The following ABHD2 variants were observed in gnomAD, a reference collection of about 807,000 sequenced individuals.
ABHD2 encodes abhydrolase domain containing 2, acylglycerol lipase.
Under a neutral mutation model 48.1 loss-of-function variants are expected in ABHD2, and 20 were observed. The observed-to-expected ratio is 0.42, with a 90% CI of 0.29 to 0.60. The LOEUF is 0.60. Ranked by LOEUF, ABHD2 falls within the 20% of genes least tolerant of loss-of-function variation. The pLI is 0.24. For synonymous variants in ABHD2, 209 were observed against 214.2 expected (o/e 0.98, Z 0.21); for missense variants, 405 against 550.9 (o/e 0.74, Z 2.65).
the ABHD2 span, among the ~76,000 whole-genome samples, chr15:89,044,095 T>G: frequency 1.2e-4 from 18 of 152,236 alleles, no homozygotes; most frequent in South Asian, 2.9e-3. Context: ...GATGTTCCCC[T>G]TCCTGTGTCC....
the ABHD2 span, among the ~76,000 whole-genome samples, chr15:89,067,777 C>T: frequency 6.6e-5 from 10 of 152,192 alleles, no homozygotes; most frequent in African/African-American, 2.4e-4. Flanking sequence ...GTGGAGCAAA[C>T]TCTATTCACT....
chr15:89,155,464 G>A lies in ABHD2; in HGVS notation c.468G>A (p.Arg156=), dbSNP rs1206387172. ...ACTACGCCCAGAAAAATGGCTATCG[G>A]TGCGCCGTGCTGAACCACCTGGGTG... ...FVDYAQKNGY[R]CAVLNHLGAL... Residue 156 remains arginine, a synonymous_variant, in exon 5 of 11, where the codon CGG becomes CGA. Transcript: ENST00000352732. This position sits in a 1 kb window ranked among gnomAD's most constrained non-coding sequence, Gnocchi z 4.9. 5.6e-6 allele frequency: 9 copies of A among 1,614,034 alleles called. No homozygotes were observed. The highest frequency in any genetic ancestry group is 6.8e-6 in the Non-Finnish European group (8 of 1,180,036).
chr15:89,173,397 AC>A lies in ABHD2; in HGVS notation c.539-2412del, dbSNP rs1233027999. 1.3e-5 allele frequency among the ~76,000 whole-genome samples: 2 copies of A among 152,058 alleles called. No individual in the cohort carries two copies. The highest frequency in any genetic ancestry group is 4.8e-5 in the African/African-American group (2 of 41,476). On this transcript the variant is annotated intron_variant, in intron 5 of 10. Coordinates refer to ENST00000352732, the MANE Select transcript of ABHD2 (RefSeq NM_152924.5). The surrounding 1 kb of genome is among the most constrained non-coding windows in gnomAD (Gnocchi z 6.5). ...AGACCAGACTGGCCAACAAGACAAAACCCTGTCTCTACTAAAAATACAAAAA... is the reference window on the plus strand; with the variant it reads ...AGACCAGACTGGCCAACAAGACAAAACCTGTCTCTACTAAAAATACAAAAA...
intron 2 of ABHD2, among the ~76,000 whole-genome samples, chr15:89,115,806 C>T (rs1186903376): frequency 6.6e-6 from 1 of 152,166 alleles, no homozygotes; most frequent in Non-Finnish European, 1.5e-5. Flanking sequence ...GCAGGCAGTA[C>T]AACCACACCT....
At position 89,182,715 on chromosome 15, in the gene ABHD2, C is replaced by G. The variant is rs1464796327; in HGVS notation, c.723-2709C>G. On this transcript the variant is annotated intron_variant, in intron 6 of 10. Coordinates refer to ENST00000352732, the MANE Select transcript of ABHD2 (RefSeq NM_152924.5). This position sits in a 1 kb window ranked among gnomAD's most constrained non-coding sequence, Gnocchi z 4.8. The stretch of plus-strand genomic sequence containing the variant: ...GTCTGAAGCAGGAGAATCGCTTGAA[C>G]CCAGGAGGTGGAGGTTGCAGTGAGC... 2.0e-5 allele frequency among the ~76,000 whole-genome samples: 3 copies of G among 152,112 alleles called. No individual in the cohort carries two copies. Among genetic ancestry groups the G allele is most frequent in the African/African-American group, 2.4e-5 (1 of 41,416 alleles).
intron 3 of ABHD2, among the ~76,000 whole-genome samples, chr15:89,122,993 G>A (rs2050075782): frequency 6.6e-6 from 1 of 152,224 alleles, no homozygotes; most frequent in Non-Finnish European, 1.5e-5. Context: ...ACAGCCACAT[G>A]TATGTGGGTA....
chr15:89,122,428 A>C (rs1320037432), intron 3 of ABHD2, among the ~76,000 whole-genome samples: 1 of 152,178 alleles, frequency 6.6e-6, no homozygotes, highest in Non-Finnish European at 1.5e-5. Context: ...TAAGTGAACG[A>C]TGTTCTCATT....
chr15:89,155,248 G>T lies in ABHD2; in HGVS notation c.371-119G>T. The T allele has an allele frequency of 1.8e-6, 2 of 1,132,332 alleles. No individual in the cohort carries two copies. Among genetic ancestry groups the T allele is most frequent in the South Asian group, 1.5e-5 (1 of 66,724 alleles). 70.1% of individuals were successfully genotyped at this position (1,132,332 alleles called of 1,614,324 possible). A position where few individuals can be genotyped will look rare whatever the true frequency, so the allele number is the denominator to read the frequency against. ...GGGAAAAATTCTTCCCCAGAGAACTGAGTGAAAGATGTATGTTGAATTCCC... is the reference window on the plus strand; with the variant it reads ...GGGAAAAATTCTTCCCCAGAGAACTTAGTGAAAGATGTATGTTGAATTCCC... On this transcript the variant is annotated intron_variant, in intron 4 of 10. Transcript: ENST00000352732. This position sits in a 1 kb window ranked among gnomAD's most constrained non-coding sequence, Gnocchi z 4.9.
At chr15:89,143,915 T>C (rs973142136) in intron 3 of ABHD2, among the ~76,000 whole-genome samples, 5 of 152,070 alleles carry the variant, frequency 3.3e-5, no homozygotes, top group African/African-American at 1.2e-4. Flanking sequence ...ATTGGGACTC[T>C]TGTATGTTCC....
intron 5 of ABHD2, among the ~76,000 whole-genome samples, chr15:89,157,022 T>C (rs1371596719): frequency 1.3e-5 from 2 of 152,232 alleles, no homozygotes; most frequent in Non-Finnish European, 2.9e-5. Context: ...AGTCATAGCA[T>C]GTATATCTAT....
upstream of ABHD2, chr15:89,087,062 G>T (rs563216979): frequency 3.3e-5 from 5 of 152,278 alleles, no homozygotes; most frequent in African/African-American, 1.2e-4. The surrounding 1 kb of genome is among the most constrained non-coding windows in gnomAD (Gnocchi z 5.5). Context: ...AAAGGGTCTG[G>T]GGCTACATTC....
chr15:89,117,656 AC>A (rs1208018189), intron 3 of ABHD2, among the ~76,000 whole-genome samples: 13 of 152,354 alleles, frequency 8.5e-5, no homozygotes, highest in African/African-American at 2.2e-4. Flanking sequence ...TCCGTTCAGC[AC>A]ATGACTAATG....
At chr15:89,172,032 T>TA (rs113875733) in intron 5 of ABHD2, among the ~76,000 whole-genome samples, 55,209 of 150,362 alleles carry the variant, frequency 0.37, 11,073 homozygotes, top group East Asian at 0.8. Context: ...TGCTTTTTTT[T>TA]TAAAAAAAAT....
intron 8 of ABHD2, 49 bp from the exon 9 acceptor site, chr15:89,191,031 G>C (rs371513832): frequency 3.1e-6 from 5 of 1,588,454 alleles, no homozygotes; most frequent in Non-Finnish European, 4.3e-6. Context: ...TGATCTTAAA[G>C]ACCAATGTTT....
At chr15:89,138,253 G>A (rs1014625734) in intron 3 of ABHD2, among the ~76,000 whole-genome samples, 1 of 152,242 alleles carries the variant, frequency 6.6e-6, no homozygotes, top group African/African-American at 2.4e-5. Flanking sequence ...TGCACACACA[G>A]GAAGGCCTGG....
chr15:89,067,524 A>G, the ABHD2 span, among the ~76,000 whole-genome samples: 4 of 152,186 alleles, frequency 2.6e-5, no homozygotes, highest in South Asian at 8.3e-4. Context: ...CTGGGCTTAG[A>G]TTGTGGTGTG....
At chr15:89,077,306 C>T in the ABHD2 span, among the ~76,000 whole-genome samples, 4 of 152,170 alleles carry the variant, frequency 2.6e-5, no homozygotes, top group African/African-American at 4.8e-5. Flanking sequence ...GCATGCTTAT[C>T]GTAATGATTT....
intron 3 of ABHD2, among the ~76,000 whole-genome samples, chr15:89,142,867 G>A (rs1386945260): frequency 1.3e-5 from 2 of 152,260 alleles, no homozygotes; most frequent in East Asian, 3.9e-4. Context: ...CGTTCCCATT[G>A]AATGCAGGAG....
rs372803309 is a variant in ABHD2, at chr15:89,142,191, G to A, written c.195-9486G>A. Among the ~76,000 whole-genome samples, 5 of 152,342 alleles carry A rather than the reference G, an allele frequency of 3.3e-5. No individual in the cohort carries two copies. The East Asian group carries it at 9.6e-4, about 29-fold the overall frequency. ...CTAGCCTCAGGATCCCTGTGGTAAA[G>A]TGGGGTTAACAGTATCTGCCCATTT... On this transcript the variant is annotated intron_variant, in intron 3 of 10. Coordinates refer to ENST00000352732, the MANE Select transcript of ABHD2 (RefSeq NM_152924.5).
Sources: gnomAD v4.1 joint callset for allele counts (sites outside exome capture counted in the v4.1 genomes callset) on GRCh38, gnomAD v4.1.1 for gene constraint, Gnocchi (gnomAD v3.1) non-coding constraint, MANE v1.5 for transcripts, NCBI Gene and HGNC (gene_info 2026-07-23, HGNC 2026-07-21) for gene names.